CDK8: variants seen among roughly 807,000 people sequenced by gnomAD.
The protein encoded by CDK8 is cyclin dependent kinase 8, also known as cyclin-dependent kinase 8.
A neutral mutation model predicts 71.5 loss-of-function variants in CDK8; 29 were observed. The observed-to-expected ratio is 0.41, with a 90% CI of 0.30 to 0.55. CDK8 has a LOEUF of 0.55. Among genes scored for constraint, CDK8 ranks in the 20% least tolerant of loss-of-function variants. The pLI, the probability that CDK8 is intolerant of heterozygous loss-of-function variation, is 0.37. For missense variants in CDK8, 288 were observed against 572.6 expected, an observed-to-expected ratio of 0.50 and a Z score of 5.07; for synonymous variants, 161 against 192.1, an observed-to-expected ratio of 0.84 and a Z score of 1.34.
At chr13:26,398,819 C>G (rs998993236) in intron 9 of CDK8, among the ~76,000 whole-genome samples, 4 of 151,844 alleles carry the variant, frequency 2.6e-5, no homozygotes, top group African/African-American at 9.7e-5. Context: ...CAAAAAGTAG[C>G]TGAGTGTGGT....
At chr13:26,312,832 T>C (rs557898698) in intron 1 of CDK8, among the ~76,000 whole-genome samples, 3 of 152,308 alleles carry the variant, frequency 2.0e-5, no homozygotes, top group South Asian at 4.1e-4. Context: ...TAGTACTGTA[T>C]TGATACTCAG....
chr13:26,265,648 TGCA>T (rs1192963178), intron 1 of CDK8, among the ~76,000 whole-genome samples: 1 of 152,190 alleles, frequency 6.6e-6, no homozygotes, highest in Admixed American at 6.5e-5. Flanking sequence ...AGCTATCCTT[TGCA>T]GCTGCCACTG....
In CDK8 at chr13:26,254,836, C is replaced by T. The variant is rs1871445999; in HGVS notation, c.128+67C>T. The T allele has an allele frequency of 1.6e-5, 25 of 1,577,642 alleles. No homozygotes were observed. Among genetic ancestry groups the T allele is most frequent in the Non-Finnish European group, 2.1e-5 (24 of 1,159,356 alleles). On this transcript the variant is annotated intron_variant, in intron 1 of 12. Transcript: ENST00000381527. This position sits in a 1 kb window ranked among gnomAD's most constrained non-coding sequence, Gnocchi z 6.7. ...CTCCCGCAGGCCGAGGCAGGTAGCC[C>T]GGAGGGAGAGCGGGCCGCCGGGGTG...
At chr13:26,360,616 G>T (rs1874093328) in intron 4 of CDK8, among the ~76,000 whole-genome samples, 1 of 152,084 alleles carries the variant, frequency 6.6e-6, no homozygotes, top group Non-Finnish European at 1.5e-5. Flanking sequence ...ACTCCTGAGG[G>T]CAAAGACTGT....
intron 4 of CDK8, among the ~76,000 whole-genome samples, chr13:26,359,928 C>G (rs1034759599): frequency 2.0e-5 from 3 of 152,158 alleles, no homozygotes; most frequent in African/African-American, 7.2e-5. Flanking sequence ...GTTGGCCAGG[C>G]TGGTCTCGAA....
chr13:26,303,831 A>G (rs28412236), intron 1 of CDK8, among the ~76,000 whole-genome samples: 16,483 of 152,220 alleles, frequency 0.11, 2,647 homozygotes, highest in African/African-American at 0.35. Flanking sequence ...AAATGTTATC[A>G]TCATAAACTT....
intron 1 of CDK8, among the ~76,000 whole-genome samples, chr13:26,286,171 A>G (rs900495734): frequency 6.6e-6 from 1 of 152,210 alleles, no homozygotes; most frequent in African/African-American, 2.4e-5. Context: ...CCTGAAGTTC[A>G]TATGGAACCA....
chr13:26,261,312 T>C (rs1378022993), intron 1 of CDK8, among the ~76,000 whole-genome samples: 1 of 152,212 alleles, frequency 6.6e-6, no homozygotes, highest in East Asian at 1.9e-4. Context: ...AATTGAGATA[T>C]AAGTCACATA....
intron 1 of CDK8, among the ~76,000 whole-genome samples, chr13:26,327,358 TTA>T (rs1484998766): frequency 6.6e-6 from 1 of 152,164 alleles, no homozygotes. Flanking sequence ...GAATAAATCT[TTA>T]TGTTACCTCC....
intron 6 of CDK8, among the ~76,000 whole-genome samples, chr13:26,390,438 A>C (rs1306595839): frequency 6.6e-6 from 1 of 152,204 alleles, no homozygotes; most frequent in East Asian, 1.9e-4. Flanking sequence ...CTGAGTCACT[A>C]AACCAAAGAG....
In CDK8 at chr13:26,254,312, G is replaced by A. The variant is rs965745969; in HGVS notation, c.-330G>A. On this transcript the variant is annotated 5_prime_UTR_variant, in exon 1 of 13. Coordinates refer to ENST00000381527, the MANE Select transcript of CDK8 (RefSeq NM_001260.3). This position sits in a 1 kb window ranked among gnomAD's most constrained non-coding sequence, Gnocchi z 6.7. Reference sequence around the variant, plus strand: ...CAGGAGCAGAACGCGCGGCCGGAGAGAGCGGCGGAGCCGGCGCCCAGGGAG... The same window carrying A: ...CAGGAGCAGAACGCGCGGCCGGAGAAAGCGGCGGAGCCGGCGCCCAGGGAG... 12 of 281,224 alleles carry A rather than the reference G, an allele frequency of 4.3e-5. No homozygotes were observed. In the Admixed American group the frequency reaches 5.0e-4, roughly 12 times the overall value. 17.4% of individuals were successfully genotyped at this position (281,224 alleles called of 1,614,324 possible). A position where few individuals can be genotyped will look rare whatever the true frequency, so the allele number is the denominator to read the frequency against.
rs773260309 is a variant in CDK8, at chr13:26,254,944, C to G, written c.128+175C>G. ...AAGTGGTGTACGAGGGATCCAAACC[C>G]ACGAGAAATCCTGCGTGCCGCGTCT... is the stretch of plus-strand genomic sequence containing the variant. On this transcript the variant is annotated intron_variant, in intron 1 of 12. Transcript: ENST00000381527. The surrounding 1 kb of genome is among the most constrained non-coding windows in gnomAD (Gnocchi z 6.7). Among the ~76,000 whole-genome samples the G allele has an allele frequency of 6.6e-6, 1 of 152,218 alleles. No homozygotes were observed. Among genetic ancestry groups the G allele is most frequent in the African/African-American group, 2.4e-5 (1 of 41,460 alleles).
chr13:26,359,820 A>AT (rs1874055482), intron 4 of CDK8: 1 of 297,474 alleles, frequency 3.4e-6, no homozygotes, highest in Non-Finnish European at 6.9e-6. Context: ...GGTTCAAGTG[A>AT]TTCTCCTGCC....
intron 1 of CDK8, among the ~76,000 whole-genome samples, chr13:26,277,957 A>AC (rs1872616387): frequency 6.6e-6 from 1 of 152,118 alleles, no homozygotes; most frequent in Non-Finnish European, 1.5e-5. Flanking sequence ...CTGTTTTGTG[A>AC]CCCCCAAGTG....
chr13:26,294,671 T>C (rs1873459410), intron 1 of CDK8, among the ~76,000 whole-genome samples: 1 of 152,182 alleles, frequency 6.6e-6, no homozygotes, highest in Non-Finnish European at 1.5e-5. Context: ...ATGCTCAGCA[T>C]TTTTTCGTAT....
At chr13:26,263,930 G>A (rs1042572478) in intron 1 of CDK8, among the ~76,000 whole-genome samples, 17 of 151,372 alleles carry the variant, frequency 1.1e-4, no homozygotes, top group Non-Finnish European at 2.1e-4. Context: ...TGTACTTTTA[G>A]TAGAGACGGG....
At chr13:26,323,439 C>A (rs977573265) in intron 1 of CDK8, among the ~76,000 whole-genome samples, 1 of 151,912 alleles carries the variant, frequency 6.6e-6, no homozygotes. Context: ...GAAGACCCCA[C>A]CTTCATGAAC....
chr13:26,305,896 C>T (rs1247617711), intron 1 of CDK8, among the ~76,000 whole-genome samples: 1 of 152,156 alleles, frequency 6.6e-6, no homozygotes, highest in South Asian at 2.1e-4. Context: ...ATAAAGACAG[C>T]TCCTCTATTT....
Position 26,404,091 on chromosome 13 carries a change from G to A in CDK8, c.*10G>A. The A allele has an allele frequency of 6.2e-7, 1 of 1,613,488 alleles. No homozygotes were observed. Among genetic ancestry groups the A allele is most frequent in the Non-Finnish European group, 8.5e-7 (1 of 1,179,724 alleles). ...GACACATCGGTACTGAGCTGCATCGGAATCTTGTCCATGCACTGTTGCGAA... is the reference window on the plus strand; with the variant it reads ...GACACATCGGTACTGAGCTGCATCGAAATCTTGTCCATGCACTGTTGCGAA... On this transcript the variant is annotated 3_prime_UTR_variant, in exon 13 of 13. Transcript: ENST00000381527.
Sources: gnomAD v4.1 joint callset for allele counts (sites outside exome capture counted in the v4.1 genomes callset) on GRCh38, gnomAD v4.1.1 for gene constraint, Gnocchi (gnomAD v3.1) non-coding constraint, MANE v1.5 for transcripts, NCBI Gene and HGNC (gene_info 2026-07-23, HGNC 2026-07-21) for gene names.